The following TMEM42 variants were observed in gnomAD, a reference collection of about 807,000 sequenced individuals.
The protein encoded by TMEM42 is transmembrane protein 42.
In TMEM42, 8 loss-of-function variants were observed where a neutral mutation model predicts 14.0. That is an observed-to-expected ratio of 0.57 (90% CI 0.34 to 1.03). The LOEUF is 1.03. Among genes scored for constraint, TMEM42 ranks in the 50% least tolerant of loss-of-function variants. The pLI is 0.03. For synonymous variants in TMEM42, 115 were observed against 94.3 expected, an observed-to-expected ratio of 1.22 and a Z score of -1.27; for missense variants, 211 against 219.8, an observed-to-expected ratio of 0.96 and a Z score of 0.25.
intron 1 of TMEM42, chr3:44,863,154 C>T (rs1368489918): frequency 6.6e-6 from 1 of 151,864 alleles, no homozygotes; most frequent in African/African-American, 2.4e-5. Context: ...ATATGTGTGA[C>T]CCAAGACAGT....
chr3:44,864,710 CTG>C (rs527965304), intron 2 of TMEM42, among the ~76,000 whole-genome samples: 132 of 152,150 alleles, frequency 8.7e-4, no homozygotes, highest in African/African-American at 2.8e-3. Context: ...CCTGTGTAGT[CTG>C]AGGTTGACAA....
At position 44,865,109 on chromosome 3, in the gene TMEM42, C is replaced by A. The variant is rs139324350; in HGVS notation, c.409C>A (p.Leu137Ile). 1.5e-5 allele frequency: 25 copies of A among 1,614,006 alleles called. No homozygotes were observed. In the African/African-American group the frequency reaches 2.9e-4, roughly 19 times the overall value. The change falls in exon 3 of 3, where the codon CTC becomes ATC. Residue 137 changes from leucine (L) to isoleucine (I), a missense_variant. Coordinates refer to ENST00000302392, the MANE Select transcript of TMEM42 (RefSeq NM_144638.3). Reference protein sequence around the residue: ...VLWWGGVFLILCGLTLIHRKL... With the variant: ...VLWWGGVFLIICGLTLIHRKL... ...GTGGTGGGGAGGAGTGTTCCTTATT[C>A]TCTGCGGACTCACCCTAATCCACAG...
intron 2 of TMEM42, among the ~76,000 whole-genome samples, chr3:44,864,725 T>A (rs1293727318): frequency 6.6e-6 from 1 of 152,156 alleles, no homozygotes; most frequent in African/African-American, 2.4e-5. Context: ...GTTGACAAGA[T>A]GGAGCTGAGC....
In TMEM42 at chr3:44,862,040, G is replaced by T; in HGVS notation, c.116G>T (p.Gly39Val). Residue 39 changes from glycine (G) to valine (V), a missense_variant, in exon 1 of 3, where the codon GGC becomes GTC. Physicochemically the swap from Gly to Val is moderately radical, Grantham distance 109 (BLOSUM62 -3). Coordinates refer to ENST00000302392, the MANE Select transcript of TMEM42 (RefSeq NM_144638.3). ...GGTGCGATGCGGCGCCGCTTTTGGG[G>T]CGTATTCAACTGTCTGTGCGCCGGC... ...QAGAMRRRFW[G>V]VFNCLCAGAF... is the part of the protein sequence containing the mutation. 1.4e-6 allele frequency: 2 copies of T among 1,388,838 alleles called. No individual in the cohort carries two copies. Among genetic ancestry groups the T allele is most frequent in the Non-Finnish European group, 1.9e-6 (2 of 1,068,686 alleles). 86.0% of individuals were successfully genotyped at this position (1,388,838 alleles called of 1,614,324 possible). A position where few individuals can be genotyped will look rare whatever the true frequency, so the allele number is the denominator to read the frequency against.
Position 44,865,252 on chromosome 3 carries a change from G to C in TMEM42, c.*72G>C. On this transcript the variant is annotated 3_prime_UTR_variant, in exon 3 of 3. Coordinates refer to ENST00000302392, the MANE Select transcript of TMEM42 (RefSeq NM_144638.3). ...CAGCCTTGGGATGTCATGTGGGACT[G>C]TATCCTAGGGCGATCCAGTTGTGCA... The C allele has an allele frequency of 6.3e-7, 1 of 1,591,988 alleles. No individual in the cohort carries two copies. The highest frequency in any genetic ancestry group is 8.6e-7 in the Non-Finnish European group (1 of 1,162,824).
Position 44,861,992 on chromosome 3 carries a change from A to G in TMEM42, c.68A>G (p.Glu23Gly). ...SATAYPDTPAEFPPHLQAGAM... is the reference protein window; with the variant it reads ...SATAYPDTPAGFPPHLQAGAM... Reference sequence around the variant, plus strand: ...ACCGCGTACCCTGACACCCCCGCGGAATTCCCTCCGCACCTCCAGGCGGGT... The same window carrying G: ...ACCGCGTACCCTGACACCCCCGCGGGATTCCCTCCGCACCTCCAGGCGGGT... Residue 23 changes from glutamate (E) to glycine (G), a missense_variant, in exon 1 of 3, where the codon GAA becomes GGA. By Grantham distance (98) the Glu-to-Gly change is moderately conservative. Transcript: ENST00000302392. The G allele has an allele frequency of 1.4e-6, 2 of 1,385,170 alleles. No individual in the cohort carries two copies. Among genetic ancestry groups the G allele is most frequent in the South Asian group, 3.3e-5 (2 of 60,820 alleles). 85.8% of individuals were successfully genotyped at this position (1,385,170 alleles called of 1,614,324 possible).
chr3:44,865,015 C>T (rs372536620), intron 2 of TMEM42, 25 bp from the exon 3 acceptor site: 20 of 1,612,956 alleles, frequency 1.2e-5, no homozygotes, highest in African/African-American at 2.7e-5. Flanking sequence ...AAGTTGAGTC[C>T]CTCACAGCTA....
chr3:44,862,707 G>C (rs920678536), intron 1 of TMEM42: 1 of 151,862 alleles, frequency 6.6e-6, no homozygotes, highest in Non-Finnish European at 1.5e-5. Flanking sequence ...GCATCCTGGC[G>C]TCTGCTAAGG....
Position 44,865,421 on chromosome 3 carries a change from C to T in TMEM42, c.*241C>T. The T allele has an allele frequency of 2.0e-6, 1 of 504,802 alleles. No homozygotes were observed. The highest frequency in any genetic ancestry group is 3.5e-5 in the South Asian group (1 of 28,214). The allele number at this position is 504,802 out of a possible 1,614,324, so 31.3% of individuals were successfully genotyped here. A position where few individuals can be genotyped will look rare whatever the true frequency, so the allele number is the denominator to read the frequency against. ...TTTGGATTCTTCCTCCCAGGCCTACCCCAGTGAGCCTTCGCAGATGCTGGA... is the reference window on the plus strand; with the variant it reads ...TTTGGATTCTTCCTCCCAGGCCTACTCCAGTGAGCCTTCGCAGATGCTGGA... On this transcript the variant is annotated 3_prime_UTR_variant, in exon 3 of 3. Coordinates refer to ENST00000302392, the MANE Select transcript of TMEM42 (RefSeq NM_144638.3).
Position 44,863,311 on chromosome 3 carries a change from C to CT in TMEM42, c.193-886_193-885insT, listed in dbSNP as rs1553668772. 3 of 117,774 alleles carry CT rather than the reference C, an allele frequency of 2.5e-5. 1 individual carries two copies. The highest frequency in any genetic ancestry group is 5.9e-5 in the Non-Finnish European group (3 of 50,800). The allele number at this position is 117,774 out of a possible 1,614,324, so 7.3% of individuals were successfully genotyped here. A position where few individuals can be genotyped will look rare whatever the true frequency, so the allele number is the denominator to read the frequency against. On this transcript the variant is annotated intron_variant, in intron 1 of 2. Coordinates refer to ENST00000302392, the MANE Select transcript of TMEM42 (RefSeq NM_144638.3). ...TATTTAGATTCCGCACCCCCCCCCC[C>CT]CGCCGCCTTGTCTCCAGGCAGGTTT...
At chr3:44,864,473 C>A (rs992069313) in intron 2 of TMEM42, 130 bp downstream of exon 2, 1 of 1,099,190 alleles carries the variant, frequency 9.1e-7, no homozygotes, top group Non-Finnish European at 1.3e-6. Context: ...TGTGGCTTGA[C>A]CCCTGGATGA....
At chr3:44,864,635 T>C (rs1252608491) in intron 2 of TMEM42, among the ~76,000 whole-genome samples, 2 of 152,176 alleles carry the variant, frequency 1.3e-5, no homozygotes, top group African/African-American at 4.8e-5. Flanking sequence ...AGCTGTTTCC[T>C]AGGGTTCTGT....
chr3:44,863,070 A>G (rs1453159278), intron 1 of TMEM42: 2 of 152,026 alleles, frequency 1.3e-5, no homozygotes, highest in African/African-American at 4.8e-5. Context: ...AAATTTGCAA[A>G]TTTAAAACAT....
Position 44,862,031 on chromosome 3 carries a change from G to A in TMEM42, c.107G>A (p.Arg36His), listed in dbSNP as rs1699259239. 2 of 1,382,402 alleles carry A rather than the reference G, an allele frequency of 1.4e-6. No individual in the cohort carries two copies. The highest frequency in any genetic ancestry group is 3.5e-5 in the Admixed American group (1 of 28,322). 85.6% of individuals were successfully genotyped at this position (1,382,402 alleles called of 1,614,324 possible). A position where few individuals can be genotyped will look rare whatever the true frequency, so the allele number is the denominator to read the frequency against. ...PHLQAGAMRR[R>H]FWGVFNCLCA... is the part of the protein sequence containing the mutation. ...CTCCAGGCGGGTGCGATGCGGCGCC[G>A]CTTTTGGGGCGTATTCAACTGTCTG... Residue 36 changes from arginine to histidine, a missense_variant, in exon 1 of 3, where the codon CGC (arginine) becomes CAC (histidine). Arg to His is a conservative substitution (Grantham distance 29, BLOSUM62 0). Transcript: ENST00000302392.
At chr3:44,862,151 G>C (rs1352162096) in intron 1 of TMEM42, 35 bp downstream of exon 1, 1 of 1,048,302 alleles carries the variant, frequency 9.5e-7, no homozygotes, top group Non-Finnish European at 1.2e-6. Context: ...CTGCTGCTGC[G>C]GGCGGGCGGG....
In TMEM42 at chr3:44,861,934, A is replaced by C; in HGVS notation, c.10A>C (p.Arg4=). 7.0e-7 allele frequency: 1 copy of C among 1,433,776 alleles called. No individual in the cohort carries two copies. The highest frequency in any genetic ancestry group is 1.4e-5 in the South Asian group (1 of 71,244). The allele number at this position is 1,433,776 out of a possible 1,614,324, so 88.8% of individuals were successfully genotyped here. Residue 4 remains arginine (R), a synonymous_variant, in exon 1 of 3, where the codon AGG becomes CGG. Coordinates refer to ENST00000302392, the MANE Select transcript of TMEM42 (RefSeq NM_144638.3). MAE[R]PGPPGGAVSA... ...GGTGTCAGCAGGCAACATGGCCGAG[A>C]GGCCGGGGCCTCCGGGCGGCGCCGT...
At chr3:44,862,680 T>G (rs1575702046) in intron 1 of TMEM42, 1 of 152,096 alleles carries the variant, frequency 6.6e-6, no homozygotes, top group East Asian at 1.9e-4. Flanking sequence ...TTCCTGACGC[T>G]GAGAACTCCT....
At position 44,865,469 on chromosome 3, in the gene TMEM42, G is replaced by C. The variant is rs1575703731; in HGVS notation, c.*289G>C. On this transcript the variant is annotated 3_prime_UTR_variant, in exon 3 of 3. Coordinates refer to ENST00000302392, the MANE Select transcript of TMEM42 (RefSeq NM_144638.3). ...GGAGATCCTGGGGTTGGTCTGCTTTGTGTATGGTACTTGAAACCACGCTGT... is the reference window on the plus strand; with the variant it reads ...GGAGATCCTGGGGTTGGTCTGCTTTCTGTATGGTACTTGAAACCACGCTGT... 1.5e-5 allele frequency: 6 copies of C among 412,608 alleles called. No individual in the cohort carries two copies. In the East Asian group the frequency reaches 2.3e-4, roughly 16 times the overall value. 25.6% of individuals were successfully genotyped at this position (412,608 alleles called of 1,614,324 possible).
chr3:44,863,892 A>C, intron 1 of TMEM42: 1 of 365,496 alleles, frequency 2.7e-6, no homozygotes, highest in Non-Finnish European at 5.1e-6. Context: ...TGGGACCAAT[A>C]AGGGGCCGGT....
Sources: allele counts gnomAD v4.1 joint callset (sites outside exome capture counted in the v4.1 genomes callset), GRCh38; gene constraint gnomAD v4.1.1; transcripts MANE v1.5; gene names NCBI Gene and HGNC (gene_info 2026-07-23, HGNC 2026-07-21).